Variants in ADGB observed in about 807,000 individuals in gnomAD.
The protein encoded by ADGB is calpain-7-like protein.
In ADGB, 172 loss-of-function variants were observed where a neutral mutation model predicts 210.5. The ratio of observed to expected loss-of-function variants is 0.82; its 90% CI spans 0.72 to 0.93. The LOEUF is 0.93. Among genes scored for constraint, ADGB ranks in the 40% least tolerant of loss-of-function variants. The probability of loss-of-function intolerance (pLI) is 0.00; values close to 1 mark genes in which losing one functional copy is unlikely to be tolerated. For synonymous variants in ADGB, 658 were observed against 662.7 expected (o/e 0.99, Z 0.11); for missense variants, 2,025 against 1,964.8 (o/e 1.03, Z -0.58).
At chr6:146,748,234 G>A (rs946848755) in intron 26 of ADGB, among the ~76,000 whole-genome samples, 6 of 152,076 alleles carry the variant, frequency 3.9e-5, no homozygotes, top group African/African-American at 4.8e-5. Flanking sequence ...CCAGAGGGAG[G>A]GAAACCAGGT....
chr6:146,724,518 G>A (rs1776866931), intron 18 of ADGB, 191 bp downstream of exon 18: 2 of 454,788 alleles, frequency 4.4e-6, no homozygotes, highest in East Asian at 7.6e-5. Flanking sequence ...ACTGTACAAT[G>A]AATATCCCTT....
chr6:146,701,161 T>C (rs1221508122), intron 13 of ADGB, 91 bp downstream of exon 13: 7 of 1,344,476 alleles, frequency 5.2e-6, no homozygotes, highest in African/African-American at 1.5e-5. Context: ...TACAAAAGAA[T>C]GTATAACATG....
At chr6:146,741,993 G>A (rs961633470) in intron 25 of ADGB, among the ~76,000 whole-genome samples, 3 of 152,036 alleles carry the variant, frequency 2.0e-5, no homozygotes, top group African/African-American at 7.2e-5. Context: ...GTCTGTACTT[G>A]ACTTCTGAGA....
chr6:146,644,874 G>A lies in ADGB; in HGVS notation c.330+9G>A, dbSNP rs531750493. 11 of 1,431,754 alleles carry A rather than the reference G, an allele frequency of 7.7e-6. No homozygotes were observed. Among genetic ancestry groups the A allele is most frequent in the East Asian group, 2.6e-5 (1 of 38,628 alleles). 88.7% of individuals were successfully genotyped at this position (1,431,754 alleles called of 1,614,324 possible). On this transcript the variant is annotated intron_variant, in intron 3 of 35. Coordinates refer to ENST00000397944, the MANE Select transcript of ADGB (RefSeq NM_024694.4). ...ATATTTTATTTAGTCAGGTAAGAAA[G>A]TTTTTTCTATTAAATAAAATACTTA... is the stretch of plus-strand genomic sequence containing the variant.
intron 10 of ADGB, among the ~76,000 whole-genome samples, chr6:146,689,817 C>T (rs974509966): frequency 7.9e-5 from 12 of 152,036 alleles, no homozygotes; most frequent in African/African-American, 2.4e-4. Flanking sequence ...ACTTAAAACT[C>T]GACAGGGTTC....
intron 23 of ADGB, among the ~76,000 whole-genome samples, chr6:146,737,658 C>G (rs1777099239): frequency 6.6e-6 from 1 of 152,166 alleles, no homozygotes; most frequent in Non-Finnish European, 1.5e-5. Context: ...AGCACAAACC[C>G]TCTTTTCCAA....
intron 9 of ADGB, among the ~76,000 whole-genome samples, chr6:146,678,157 T>A (rs1029140669): frequency 6.6e-6 from 1 of 152,174 alleles, no homozygotes; most frequent in Non-Finnish European, 1.5e-5. Flanking sequence ...AGACAGTAAG[T>A]GTTCAAGAGG....
chr6:146,800,765 A>G (rs1778116950), intron 33 of ADGB, among the ~76,000 whole-genome samples: 1 of 152,154 alleles, frequency 6.6e-6, no homozygotes, highest in South Asian at 2.1e-4. Flanking sequence ...AAAAAAATCT[A>G]TTTATATCCC....
At chr6:146,653,252 G>A (rs113277734) in intron 3 of ADGB, among the ~76,000 whole-genome samples, 2,175 of 152,040 alleles carry the variant, frequency 0.014, 45 homozygotes, top group African/African-American at 0.048. Flanking sequence ...ACATTATGGT[G>A]AGCTGTATAA....
chr6:146,718,106 C>T (rs1776760981), intron 16 of ADGB, among the ~76,000 whole-genome samples: 1 of 152,090 alleles, frequency 6.6e-6, no homozygotes, highest in African/African-American at 2.4e-5. Context: ...TGTGAGGCTT[C>T]CCTTCCCTGG....
intron 1 of ADGB, among the ~76,000 whole-genome samples, chr6:146,604,754 A>T (rs1440080562): frequency 6.6e-6 from 1 of 152,188 alleles, no homozygotes; most frequent in Non-Finnish European, 1.5e-5. Flanking sequence ...CAGGGAAGGG[A>T]GGATTCATAT....
intron 5 of ADGB, among the ~76,000 whole-genome samples, chr6:146,658,349 C>A (rs1290202633): frequency 6.6e-6 from 1 of 151,942 alleles, no homozygotes; most frequent in African/African-American, 2.4e-5. Context: ...AGTTTTAAAT[C>A]TGTGCAGAGG....
chr6:146,612,462 A>G (rs949304823), intron 1 of ADGB, among the ~76,000 whole-genome samples: 3 of 152,152 alleles, frequency 2.0e-5, no homozygotes, highest in Admixed American at 6.5e-5. Context: ...TCTTAACTCC[A>G]GAGATCAGTC....
At chr6:146,715,808 G>A (rs1055009588) in intron 14 of ADGB, among the ~76,000 whole-genome samples, 18 of 152,174 alleles carry the variant, frequency 1.2e-4, no homozygotes, top group East Asian at 9.7e-4. Context: ...AGTGGCTCAC[G>A]CATGTAATCT....
intron 14 of ADGB, among the ~76,000 whole-genome samples, 165 bp from the exon 15 acceptor site, chr6:146,716,718 A>C (rs1776741172): frequency 6.6e-6 from 1 of 152,164 alleles, no homozygotes; most frequent in Non-Finnish European, 1.5e-5. Context: ...TTGTGTATGA[A>C]ATGTGTCCCT....
At chr6:146,648,151 AC>A (rs1191470157) in intron 3 of ADGB, among the ~76,000 whole-genome samples, 3 of 152,194 alleles carry the variant, frequency 2.0e-5, no homozygotes, top group Non-Finnish European at 2.9e-5. Context: ...TATTTTTATA[AC>A]CTTTTTTAAC....
In ADGB at chr6:146,764,099, A is replaced by G. The variant is rs1485874502; in HGVS notation, c.3749A>G (p.Gln1250Arg). The change falls in exon 28 of 36, where the codon CAG becomes CGG. Residue 1250 changes from glutamine to arginine, a missense_variant and splice_region_variant. Transcript: ENST00000397944. The part of the protein sequence containing the change: ...TREDSSSTPL[Q>R]NYKYIIQCSV... Reference sequence around the variant, plus strand: ...GAAGACAGTTCCAGCACACCACTGCAGGTATATTAAAAACAATTGTTCAAT... The same window carrying G: ...GAAGACAGTTCCAGCACACCACTGCGGGTATATTAAAAACAATTGTTCAAT... 3 of 1,529,482 alleles carry G rather than the reference A, an allele frequency of 2.0e-6. No individual in the cohort carries two copies. The highest frequency in any genetic ancestry group is 2.6e-6 in the Non-Finnish European group (3 of 1,137,468). 94.7% of individuals were successfully genotyped at this position (1,529,482 alleles called of 1,614,324 possible).
At chr6:146,632,030 C>T (rs750406589) in intron 1 of ADGB, among the ~76,000 whole-genome samples, 1 of 151,522 alleles carries the variant, frequency 6.6e-6, no homozygotes, top group Non-Finnish European at 1.5e-5. Context: ...GTGTGTTTTT[C>T]CTACCTCAGT....
At chr6:146,759,173 T>A (rs1385685422) in intron 27 of ADGB, among the ~76,000 whole-genome samples, 1 of 151,816 alleles carries the variant, frequency 6.6e-6, no homozygotes, top group Non-Finnish European at 1.5e-5. Flanking sequence ...TTGATAGGTA[T>A]TCTGTACACA....
Sources: gnomAD v4.1 joint callset for allele counts (sites outside exome capture counted in the v4.1 genomes callset) on GRCh38, gnomAD v4.1.1 for gene constraint, MANE v1.5 for transcripts, NCBI Gene and HGNC (gene_info 2026-07-23, HGNC 2026-07-21) for gene names.